The following NRG4 variants were observed in gnomAD, a reference collection of about 807,000 sequenced individuals.
The protein encoded by NRG4 is neuregulin 4, also known as pro-neuregulin-4, membrane-bound isoform.
Under a neutral mutation model 15.0 loss-of-function variants are expected in NRG4, and 10 were observed. The ratio of observed to expected loss-of-function variants is 0.67; its 90% confidence interval spans 0.41 to 1.13. NRG4 has a LOEUF of 1.13. Ranked by LOEUF, NRG4 falls within the 50% of genes most tolerant of loss-of-function variation. NRG4 has a pLI of 0.00. For missense variants in NRG4, 139 were observed against 140.2 expected (o/e 0.99, Z 0.04); for synonymous variants, 41 against 50.1 (o/e 0.82, Z 0.77).
intron 5 of NRG4, among the ~76,000 whole-genome samples, chr15:76,022,108 T>C (rs897517210): frequency 2.6e-5 from 4 of 152,210 alleles, no homozygotes; most frequent in African/African-American, 9.6e-5. Flanking sequence ...GCTCACCTGC[T>C]GTGTGGCCTG....
At chr15:76,006,316 T>A (rs571127310) in intron 3 of NRG4, among the ~76,000 whole-genome samples, 7 of 152,274 alleles carry the variant, frequency 4.6e-5, no homozygotes, top group Non-Finnish European at 7.4e-5. Flanking sequence ...TGAAGTGGGA[T>A]GGAAAATGAG....
intron 1 of NRG4, chr15:76,057,190 C>T (rs1303539341): frequency 2.0e-5 from 3 of 150,050 alleles, no homozygotes; most frequent in Non-Finnish European, 4.4e-5. Flanking sequence ...GATTCCCCCA[C>T]CCTCTCCTGT....
chr15:75,944,491 G>C (rs1195766128), intron 5 of NRG4, among the ~76,000 whole-genome samples: 1 of 152,164 alleles, frequency 6.6e-6, no homozygotes, highest in East Asian at 1.9e-4. Context: ...AGATTGCCCG[G>C]GGAGGCTTAC....
At chr15:75,963,382 G>A (rs138219150) in intron 3 of NRG4, among the ~76,000 whole-genome samples, 3 of 152,210 alleles carry the variant, frequency 2.0e-5, no homozygotes, top group Non-Finnish European at 4.4e-5. Context: ...AGTGACTCAC[G>A]CCTCTACTCC....
At chr15:75,979,292 A>ATAGTGTATAG (rs112054359) in intron 3 of NRG4, among the ~76,000 whole-genome samples, 9,148 of 152,158 alleles carry the variant, frequency 0.06, 559 homozygotes, top group African/African-American at 0.16. Context: ...ATTTTTGTGT[A>ATAGTGTATAG]TTAGACAGCT....
At chr15:75,961,748 A>T in intron 4 of NRG4, 80 bp downstream of exon 4, 1 of 991,292 alleles carries the variant, frequency 1.0e-6, no homozygotes, top group Non-Finnish European at 1.5e-6. Flanking sequence ...AATATCTAGA[A>T]CTAAGGGCAT....
intron 3 of NRG4, among the ~76,000 whole-genome samples, chr15:76,003,355 A>T (rs2034482015): frequency 6.6e-6 from 1 of 152,136 alleles, no homozygotes; most frequent in Non-Finnish European, 1.5e-5. Flanking sequence ...TTATGTTAAA[A>T]TAGATGAACA....
At chr15:75,967,664 G>A (rs1437747224) in intron 3 of NRG4, among the ~76,000 whole-genome samples, 1 of 151,966 alleles carries the variant, frequency 6.6e-6, no homozygotes, top group Non-Finnish European at 1.5e-5. Context: ...GTTTCACCAT[G>A]TTGGCCAGGT....
intron 3 of NRG4, among the ~76,000 whole-genome samples, chr15:76,006,790 A>G (rs371723157): frequency 6.6e-6 from 1 of 152,294 alleles, no homozygotes; most frequent in African/African-American, 2.4e-5. Context: ...ATACACTAAA[A>G]ACGCATCTAT....
intron 5 of NRG4, among the ~76,000 whole-genome samples, chr15:76,028,875 C>G (rs928338426): frequency 6.9e-5 from 10 of 145,928 alleles, no homozygotes; most frequent in Non-Finnish European, 1.5e-4. Flanking sequence ...TGCACTCCAG[C>G]CTGGGTGGCA....
chr15:75,991,564 T>C (rs1390601681), intron 3 of NRG4, among the ~76,000 whole-genome samples: 1 of 152,092 alleles, frequency 6.6e-6, no homozygotes, highest in Non-Finnish European at 1.5e-5. Context: ...GATAGGTTTT[T>C]CTATCATTAT....
In NRG4 at chr15:75,943,433, C is replaced by A; in HGVS notation, c.*205G>T. 3.7e-6 allele frequency: 2 copies of A among 546,070 alleles called. No individual in the cohort carries two copies. Among genetic ancestry groups the A allele is most frequent in the Non-Finnish European group, 6.4e-6 (2 of 310,240 alleles). 33.8% of individuals were successfully genotyped at this position (546,070 alleles called of 1,614,324 possible). A position where few individuals can be genotyped will look rare whatever the true frequency, so the allele number is the denominator to read the frequency against. On this transcript the variant is annotated 3_prime_UTR_variant, in exon 6 of 6. Coordinates refer to ENST00000394907, the MANE Select transcript of NRG4 (RefSeq NM_138573.4). Reference sequence around the variant, plus strand: ...ACTTCGAATTATACTGGTATCACCCCCTACTTAGCAGTTGCCGATGGACTG... The same window carrying A: ...ACTTCGAATTATACTGGTATCACCCACTACTTAGCAGTTGCCGATGGACTG...
At position 75,942,511 on chromosome 15, in the gene NRG4, ATG is replaced by A. The variant is rs2031101104; in HGVS notation, c.*1125_*1126del. ...ACTTCTAATAAAGTCTATTAAAATT[ATG>A]TGAGAGCTTTTCATTTTGTGTACTC... is the stretch of plus-strand genomic sequence containing the variant. On this transcript the variant is annotated 3_prime_UTR_variant, in exon 6 of 6. Transcript: ENST00000394907. 6.6e-6 allele frequency: 1 copy of A among 152,188 alleles called. No individual in the cohort carries two copies. Among genetic ancestry groups the A allele is most frequent in the Non-Finnish European group, 1.5e-5 (1 of 68,038 alleles). 9.4% of individuals were successfully genotyped at this position (152,188 alleles called of 1,614,324 possible). A position where few individuals can be genotyped will look rare whatever the true frequency, so the allele number is the denominator to read the frequency against.
chr15:75,994,668 G>C (rs2034143845), intron 3 of NRG4, among the ~76,000 whole-genome samples: 1 of 152,208 alleles, frequency 6.6e-6, no homozygotes, highest in Non-Finnish European at 1.5e-5. Flanking sequence ...GCTCAAGCTT[G>C]AAAGTATCTT....
intron 5 of NRG4, among the ~76,000 whole-genome samples, chr15:76,022,425 TACACACACACACACAC>T (rs67005026): frequency 1.3e-5 from 2 of 149,460 alleles, no homozygotes; most frequent in Non-Finnish European, 3.0e-5. Context: ...TCAATATTTT[TACACACACACACACAC>T]ACACACACAC....
intron 1 of NRG4, among the ~76,000 whole-genome samples, chr15:76,058,672 C>G (rs535464537): frequency 2.0e-5 from 3 of 152,200 alleles, no homozygotes; most frequent in Non-Finnish European, 4.4e-5. Flanking sequence ...TCAAACCTAT[C>G]TGCAGAGCCA....
intron 3 of NRG4, among the ~76,000 whole-genome samples, chr15:75,974,359 A>C (rs987837167): frequency 6.6e-6 from 1 of 150,772 alleles, no homozygotes; most frequent in Non-Finnish European, 1.5e-5. Flanking sequence ...TCGTGTCTCT[A>C]TCTCTTTCTG....
chr15:75,965,992 G>A (rs761887110), intron 3 of NRG4, among the ~76,000 whole-genome samples: 20 of 152,166 alleles, frequency 1.3e-4, no homozygotes, highest in Non-Finnish European at 2.6e-4. Flanking sequence ...AGCAATAAAG[G>A]ATCACCCATG....
At chr15:75,995,883 G>A (rs1361798755) in intron 3 of NRG4, among the ~76,000 whole-genome samples, 2 of 152,038 alleles carry the variant, frequency 1.3e-5, no homozygotes, top group African/African-American at 4.8e-5. Flanking sequence ...AAGTAGAGAG[G>A]GTATTGTAGC....
Sources: gnomAD v4.1 joint callset for allele counts (sites outside exome capture counted in the v4.1 genomes callset) on GRCh38, gnomAD v4.1.1 for gene constraint, MANE v1.5 for transcripts, NCBI Gene and HGNC (gene_info 2026-07-23, HGNC 2026-07-21) for gene names.